Variants in BLTP1 observed in about 807,000 individuals in gnomAD.
BLTP1 encodes fragile site-associated protein.
the BLTP1 span, chr4:122,314,066 G>C: frequency 5.1e-6 from 5 of 970,876 alleles, no homozygotes; most frequent in Non-Finnish European, 6.1e-6. Flanking sequence ...ATAAAAAGAA[G>C]AGAATATTTT....
At chr4:122,346,834 T>A in the BLTP1 span, 9 of 1,554,952 alleles carry the variant, frequency 5.8e-6, no homozygotes, top group South Asian at 8.5e-5. Flanking sequence ...AAACGTGATC[T>A]TACTTGGCAG....
At chr4:122,246,401 A>T in the BLTP1 span, 1 of 1,136,470 alleles carries the variant, frequency 8.8e-7, no homozygotes, top group African/African-American at 1.6e-5. Context: ...AACAGTGTGT[A>T]ATATTAAAAA....
the BLTP1 span, chr4:122,214,318 GA>G: frequency 2.2e-6 from 2 of 924,136 alleles, no homozygotes. Context: ...TAAGTAAATT[GA>G]AATGTAGTTT....
chr4:122,176,882 T>G, the BLTP1 span, among the ~76,000 whole-genome samples: 1 of 152,234 alleles, frequency 6.6e-6, no homozygotes, highest in Non-Finnish European at 1.5e-5. Flanking sequence ...TTCATCACCT[T>G]TACTTGCTGT....
At chr4:122,304,149 C>G in the BLTP1 span, among the ~76,000 whole-genome samples, 1 of 152,146 alleles carries the variant, frequency 6.6e-6, no homozygotes, top group East Asian at 1.9e-4. Flanking sequence ...AGGCAAGACC[C>G]TCCACTAGCA....
At chr4:122,203,587 A>G in the BLTP1 span, among the ~76,000 whole-genome samples, 12 of 151,846 alleles carry the variant, frequency 7.9e-5, no homozygotes, top group Non-Finnish European at 1.5e-4. Context: ...CCTTTTTCTA[A>G]TCAGATTATT....
the BLTP1 span, chr4:122,189,703 T>C: frequency 3.3e-6 from 3 of 909,154 alleles, no homozygotes; most frequent in Non-Finnish European, 3.9e-6. Context: ...ATGAAAAATA[T>C]AAAACTAAAT....
the BLTP1 span, among the ~76,000 whole-genome samples, chr4:122,248,468 C>T: frequency 1.3e-5 from 2 of 151,962 alleles, no homozygotes; most frequent in Non-Finnish European, 2.9e-5. Context: ...ACTTAATAAC[C>T]TCATAATATT....
chr4:122,258,413 T>C, the BLTP1 span, among the ~76,000 whole-genome samples: 4 of 152,324 alleles, frequency 2.6e-5, no homozygotes, highest in Admixed American at 1.3e-4. Context: ...CCCTTCCAAT[T>C]ATCTGCAAAT....
the BLTP1 span, among the ~76,000 whole-genome samples, chr4:122,323,879 T>C: frequency 6.6e-6 from 1 of 152,030 alleles, no homozygotes; most frequent in Non-Finnish European, 1.5e-5. Flanking sequence ...CAATTCCCAT[T>C]ATCCATCTTA....
the BLTP1 span, chr4:122,261,290 A>G: frequency 1.0e-6 from 1 of 985,078 alleles, no homozygotes; most frequent in Admixed American, 6.2e-5. Flanking sequence ...AGTTTTTTCA[A>G]CCTTCTGAAT....
At chr4:122,271,841 GAA>G in the BLTP1 span, 1 of 748,610 alleles carries the variant, frequency 1.3e-6, no homozygotes, top group Non-Finnish European at 2.1e-6. Flanking sequence ...GAAATGGAGA[GAA>G]ATTGTCTATC....
At chr4:122,192,989 A>G in the BLTP1 span, among the ~76,000 whole-genome samples, 903 of 152,304 alleles carry the variant, frequency 5.9e-3, 4 homozygotes, top group Non-Finnish European at 9.0e-3. Flanking sequence ...TCTGAGGGCT[A>G]TGAGAGAAGG....
chr4:122,315,314 T>G, the BLTP1 span: 2 of 1,057,398 alleles, frequency 1.9e-6, no homozygotes, highest in South Asian at 3.2e-5. Flanking sequence ...ACTGTACACA[T>G]AGAGAAATCA....
the BLTP1 span, chr4:122,234,346 G>C: frequency 6.0e-6 from 1 of 167,146 alleles, no homozygotes; most frequent in African/African-American, 2.4e-5. Context: ...TTTGCAATGT[G>C]AAATAGGCCC....
the BLTP1 span, among the ~76,000 whole-genome samples, chr4:122,211,408 T>C: frequency 6.6e-6 from 1 of 152,008 alleles, no homozygotes; most frequent in African/African-American, 2.4e-5. Context: ...GACAGATATA[T>C]GGACAAATTT....
the BLTP1 span, among the ~76,000 whole-genome samples, chr4:122,322,883 A>G: frequency 9.9e-5 from 15 of 152,130 alleles, no homozygotes; most frequent in Admixed American, 8.5e-4. Context: ...TTATTCAGAA[A>G]AAGAAAGTAC....
chr4:122,199,555 C>T, the BLTP1 span: 9 of 964,922 alleles, frequency 9.3e-6, no homozygotes, highest in Non-Finnish European at 1.4e-5. Flanking sequence ...AATGGTCCAT[C>T]TTCTAGTTCA....
At chr4:122,249,565 A>T in the BLTP1 span, 1 of 1,613,786 alleles carries the variant, frequency 6.2e-7, no homozygotes, top group Non-Finnish European at 8.5e-7. Flanking sequence ...GGATGAATTT[A>T]CTTTTGTGGA....
Sources: gnomAD v4.1 joint callset for allele counts (sites outside exome capture counted in the v4.1 genomes callset) on GRCh38, gnomAD v4.1.1 for gene constraint, MANE v1.5 for transcripts, NCBI Gene and HGNC (gene_info 2026-07-23, HGNC 2026-07-21) for gene names.